The following ANO6 variants were observed in gnomAD, a reference collection of about 807,000 sequenced individuals.
The protein encoded by ANO6 is anoctamin 6, also known as anoctamin-6.
Under a neutral mutation model 117.5 loss-of-function variants are expected in ANO6, and 106 were observed. The observed-to-expected ratio is 0.90, with a 90% CI of 0.77 to 1.06. The LOEUF (loss-of-function observed/expected upper bound fraction) is 1.06, where lower values mean the gene tolerates loss of function less well. ANO6 is among the 50% of genes least tolerant of loss of function. The pLI, the probability that ANO6 is intolerant of heterozygous loss-of-function variation, is 0.00. For synonymous variants in ANO6, 367 were observed against 385.1 expected (o/e 0.95, Z 0.55); for missense variants, 955 against 1,121.1 (o/e 0.85, Z 2.12).
intron 8 of ANO6, among the ~76,000 whole-genome samples, chr12:45,365,285 G>A (rs1309469036): frequency 6.6e-6 from 1 of 152,184 alleles, no homozygotes; most frequent in Non-Finnish European, 1.5e-5. Context: ...TCTTGGCCAT[G>A]TGCACTGTCC....
intron 1 of ANO6, among the ~76,000 whole-genome samples, chr12:45,221,698 A>ACAGCTTT (rs1354710748): frequency 4.5e-4 from 69 of 152,124 alleles, no homozygotes; most frequent in Admixed American, 4.4e-3. Context: ...AATAGAGAAG[A>ACAGCTTT]ATGGGTCTGA....
intron 1 of ANO6, among the ~76,000 whole-genome samples, chr12:45,280,876 A>C (rs1938705721): frequency 1.2e-5 from 1 of 83,036 alleles, no homozygotes; most frequent in South Asian, 4.5e-4. Flanking sequence ...TTTTATATAT[A>C]TATAGAGAGA....
At chr12:45,234,247 A>G (rs1947613772) in intron 1 of ANO6, among the ~76,000 whole-genome samples, 1 of 152,192 alleles carries the variant, frequency 6.6e-6, no homozygotes, top group African/African-American at 2.4e-5. Context: ...TGTAATTGTG[A>G]AACTGAACTG....
chr12:45,280,024 GCACA>G (rs1337238057), intron 1 of ANO6, among the ~76,000 whole-genome samples: 2 of 152,142 alleles, frequency 1.3e-5, no homozygotes, highest in Non-Finnish European at 2.9e-5. Flanking sequence ...CAGCTCCAAA[GCACA>G]CTTGGATTCA....
At chr12:45,298,786 A>G (rs1177080926) in intron 1 of ANO6, among the ~76,000 whole-genome samples, 1 of 152,224 alleles carries the variant, frequency 6.6e-6, no homozygotes, top group Non-Finnish European at 1.5e-5. Context: ...TGGATAGAAC[A>G]TCTGGGTAAT....
At chr12:45,366,632 A>C (rs1473616829) in intron 8 of ANO6, among the ~76,000 whole-genome samples, 3 of 152,128 alleles carry the variant, frequency 2.0e-5, no homozygotes, top group Non-Finnish European at 2.9e-5. Context: ...CTTTGTCTTC[A>C]GAAGTATTTT....
intron 1 of ANO6, among the ~76,000 whole-genome samples, chr12:45,239,416 T>C (rs924878312): frequency 2.0e-5 from 3 of 152,236 alleles, no homozygotes; most frequent in African/African-American, 7.2e-5. Flanking sequence ...TTGCATCTAT[T>C]TGATTCTTCT....
intron 1 of ANO6, among the ~76,000 whole-genome samples, chr12:45,267,801 A>AG (rs1938268515): frequency 6.6e-6 from 1 of 152,170 alleles, no homozygotes; most frequent in Non-Finnish European, 1.5e-5. Context: ...CAAAAAAAAT[A>AG]GCACTTACTT....
At position 45,421,081 on chromosome 12, in the gene ANO6, T is replaced by C. The variant is rs1943349125; in HGVS notation, c.2228T>C (p.Ile743Thr). Reference protein sequence around the residue: ...ILAVVTNAMIIAFTSDMIPRL... With the variant: ...ILAVVTNAMITAFTSDMIPRL... ...TTTCTCCCAAAATAGGCCATGATCA[T>C]AGCTTTCACGTCGGACATGATCCCC... The change falls in exon 18 of 20, where the codon ATA becomes ACA. Residue 743 changes from isoleucine (I) to threonine (T), a missense_variant. Transcript: ENST00000320560. 1 of 1,614,046 alleles carries C rather than the reference T, an allele frequency of 6.2e-7. No homozygotes were observed. The highest frequency in any genetic ancestry group is 1.3e-5 in the African/African-American group (1 of 74,950).
chr12:45,274,298 A>C (rs765485794), intron 1 of ANO6, among the ~76,000 whole-genome samples: 1 of 152,168 alleles, frequency 6.6e-6, no homozygotes, highest in Non-Finnish European at 1.5e-5. Flanking sequence ...TTAGTTGTTT[A>C]GTAGATGAGT....
At chr12:45,410,692 C>T (rs2137662136) in intron 16 of ANO6, among the ~76,000 whole-genome samples, 2 of 152,292 alleles carry the variant, frequency 1.3e-5, no homozygotes, top group South Asian at 4.1e-4. Flanking sequence ...ACAGGCTTTG[C>T]ATTTATGCAC....
At chr12:45,276,196 A>C (rs1168974272) in intron 1 of ANO6, among the ~76,000 whole-genome samples, 1 of 152,122 alleles carries the variant, frequency 6.6e-6, no homozygotes, top group East Asian at 1.9e-4. Flanking sequence ...CAGTACTTCT[A>C]CCTTCAAAAT....
intron 1 of ANO6, among the ~76,000 whole-genome samples, chr12:45,300,971 C>T (rs558395852): frequency 6.6e-6 from 1 of 152,300 alleles, no homozygotes; most frequent in East Asian, 1.9e-4. Flanking sequence ...GAATGACCTA[C>T]CTTCTTGATT....
At chr12:45,416,319 C>T (rs868754775) in intron 16 of ANO6, among the ~76,000 whole-genome samples, 1 of 145,116 alleles carries the variant, frequency 6.9e-6, no homozygotes, top group Non-Finnish European at 1.5e-5. Context: ...CACAATATTT[C>T]TTTTTTCTTA....
intron 9 of ANO6, among the ~76,000 whole-genome samples, chr12:45,371,789 T>C (rs979776602): frequency 3.3e-5 from 5 of 152,198 alleles, no homozygotes; most frequent in Admixed American, 6.5e-5. Flanking sequence ...CTGGAAACTC[T>C]AAAAAGCAGA....
intron 1 of ANO6, among the ~76,000 whole-genome samples, chr12:45,272,889 G>A (rs1938436555): frequency 6.6e-6 from 1 of 152,084 alleles, no homozygotes; most frequent in Admixed American, 6.5e-5. Flanking sequence ...CAATAGTCAA[G>A]ATATGGAAAC....
intron 19 of ANO6, chr12:45,439,667 T>TTTTG: frequency 8.1e-7 from 1 of 1,229,206 alleles, no homozygotes; most frequent in South Asian, 3.0e-5. Flanking sequence ...TTTTTTTTTT[T>TTTTG]GAGACAGTAT....
In ANO6 at chr12:45,409,699, T is replaced by G. The variant is rs927199707; in HGVS notation, c.2011+212T>G. On this transcript the variant is annotated intron_variant, in intron 16 of 19. Coordinates refer to ENST00000320560, the MANE Select transcript of ANO6 (RefSeq NM_001025356.3). ...TATTTATGTTGTAAAAAGCTAGAAA[T>G]TTATTACTGGGCAATGAAATGGAAT... Among the ~76,000 whole-genome samples the G allele has an allele frequency of 2.0e-5, 3 of 152,214 alleles. No individual in the cohort carries two copies. In the South Asian group the frequency reaches 6.2e-4, roughly 32 times the overall value.
chr12:45,436,867 G>A (rs1356443962), downstream of ANO6, among the ~76,000 whole-genome samples: 1 of 152,152 alleles, frequency 6.6e-6, no homozygotes, highest in African/African-American at 2.4e-5. Context: ...TACTAGGGAG[G>A]CTGAGGCAGA....
Sources: gnomAD v4.1 joint callset for allele counts (sites outside exome capture counted in the v4.1 genomes callset) on GRCh38, gnomAD v4.1.1 for gene constraint, MANE v1.5 for transcripts, NCBI Gene and HGNC (gene_info 2026-07-23, HGNC 2026-07-21) for gene names.